RNF6: variants seen among roughly 807,000 people sequenced by gnomAD.
RNF6 encodes the protein ring finger protein 6.
Under a neutral mutation model 50.1 loss-of-function variants are expected in RNF6, and 21 were observed. That is an observed-to-expected ratio of 0.42 (90% CI 0.30 to 0.60). RNF6 has a LOEUF of 0.60. RNF6 is among the 20% of genes least tolerant of loss of function. RNF6 has a pLI of 0.20. For missense variants in RNF6, 698 were observed against 838.2 expected, an observed-to-expected ratio of 0.83 and a Z score of 2.07; for synonymous variants, 255 against 291.8, an observed-to-expected ratio of 0.87 and a Z score of 1.29.
At chr13:26,167,834 G>A (rs987839482) in intron 5 of RNF6, among the ~76,000 whole-genome samples, 4 of 152,266 alleles carry the variant, frequency 2.6e-5, no homozygotes, top group Non-Finnish European at 4.4e-5. Context: ...TAAAGAAAAT[G>A]TACATATACA....
intron 2 of RNF6, among the ~76,000 whole-genome samples, chr13:26,220,309 G>C (rs1049869332): frequency 6.6e-6 from 1 of 152,172 alleles, no homozygotes; most frequent in Non-Finnish European, 1.5e-5. Flanking sequence ...TTGTGAAAGT[G>C]CATCAGAGCA....
At chr13:26,160,412 T>C (rs1298032143) in intron 5 of RNF6, among the ~76,000 whole-genome samples, 2 of 152,136 alleles carry the variant, frequency 1.3e-5, no homozygotes, top group African/African-American at 2.4e-5. Flanking sequence ...ATTTAAGAGA[T>C]AGAGTCTCAC....
chr13:26,191,226 A>ATG (rs1566428012), intron 5 of RNF6, among the ~76,000 whole-genome samples: 6 of 151,352 alleles, frequency 4.0e-5, no homozygotes, highest in Non-Finnish European at 5.9e-5. Flanking sequence ...GCTAAGGGAC[A>ATG]TTCTTATCTC....
At chr13:26,192,627 T>A (rs1006102997) in intron 5 of RNF6, among the ~76,000 whole-genome samples, 1 of 152,330 alleles carries the variant, frequency 6.6e-6, no homozygotes, top group Middle Eastern at 3.4e-3. Flanking sequence ...TTAGTTTGCA[T>A]GCTTTGATGA....
intron 5 of RNF6, chr13:26,153,927 A>C (rs998435187): frequency 1.3e-5 from 2 of 152,294 alleles, no homozygotes; most frequent in African/African-American, 4.8e-5. Flanking sequence ...TAAATACTGT[A>C]AGAAAAGAAT....
chr13:26,204,964 T>C (rs538323342), intron 5 of RNF6, among the ~76,000 whole-genome samples: 1 of 152,240 alleles, frequency 6.6e-6, no homozygotes, highest in East Asian at 1.9e-4. Flanking sequence ...ACAGAGACCA[T>C]ACTCTGCAGA....
At chr13:26,166,316 G>T (rs1872449813) in intron 5 of RNF6, among the ~76,000 whole-genome samples, 1 of 152,126 alleles carries the variant, frequency 6.6e-6, no homozygotes, top group Non-Finnish European at 1.5e-5. Context: ...GTCTTTATCA[G>T]CAGTGTAAAA....
chr13:26,214,969 A>G lies in RNF6; in HGVS notation c.913T>C (p.Ser305Pro). Residue 305 changes from serine (S) to proline (P), a missense_variant, in exon 5 of 5, where the codon TCT (serine) becomes CCT (proline). Ser to Pro is a moderately conservative substitution (Grantham distance 74). Transcript: ENST00000381588. Reference protein sequence around the residue: ...NQRLEPIRLRSTSNSRSRSPI... With the variant: ...NQRLEPIRLRPTSNSRSRSPI... ...GAACGGCTTCGACTATTGGAAGTAG[A>G]TCGTAATCTTATTGGCTCTAATCTT... 1 of 1,614,168 alleles carries G rather than the reference A, an allele frequency of 6.2e-7. No individual in the cohort carries two copies. The highest frequency in any genetic ancestry group is 8.5e-7 in the Non-Finnish European group (1 of 1,180,028).
intron 5 of RNF6, among the ~76,000 whole-genome samples, chr13:26,188,623 C>CTGTTTTTTTTTT (rs1873665823): frequency 2.3e-5 from 1 of 43,258 alleles, no homozygotes; most frequent in African/African-American, 1.1e-4. Context: ...GTCAAAAGAG[C>CTGTTTTTTTTTT]TTTTTTTTTT....
chr13:26,191,674 C>T (rs541856899), intron 5 of RNF6, among the ~76,000 whole-genome samples: 2 of 152,312 alleles, frequency 1.3e-5, no homozygotes, highest in South Asian at 4.2e-4. Context: ...CACTTTCCAC[C>T]ATGACTGTGA....
chr13:26,173,534 A>T (rs1268534877), intron 5 of RNF6, among the ~76,000 whole-genome samples: 2 of 152,144 alleles, frequency 1.3e-5, no homozygotes, highest in Non-Finnish European at 2.9e-5. Context: ...TTGCTTATGG[A>T]TAGATAGATA....
intron 5 of RNF6, among the ~76,000 whole-genome samples, chr13:26,156,221 A>G (rs908964059): frequency 1.3e-5 from 2 of 152,192 alleles, no homozygotes; most frequent in African/African-American, 4.8e-5. Flanking sequence ...AGAGTTTTCA[A>G]TATTAACACT....
intron 5 of RNF6, among the ~76,000 whole-genome samples, chr13:26,192,169 T>C (rs892802843): frequency 1.3e-5 from 2 of 152,228 alleles, no homozygotes; most frequent in Admixed American, 6.5e-5. Context: ...TTGCATTATA[T>C]GATTTACATT....
chr13:26,145,051 A>G (rs1593145146), intron 5 of RNF6, among the ~76,000 whole-genome samples: 3 of 152,318 alleles, frequency 2.0e-5, no homozygotes, highest in East Asian at 1.9e-4. Context: ...CTCCTGAAGT[A>G]GAACAGTGAA....
chr13:26,219,148 ATATTT>A lies in RNF6; in HGVS notation c.193+304_193+308del, dbSNP rs543717268. ...ATGAGTTCAAATTGGGTTTTAAGTCATATTTTATTTGTATAAAAATTACAAATAGG... is the reference window on the plus strand; with the variant it reads ...ATGAGTTCAAATTGGGTTTTAAGTCATATTTGTATAAAAATTACAAATAGG... On this transcript the variant is annotated intron_variant, in intron 3 of 4. Coordinates refer to ENST00000381588, the MANE Select transcript of RNF6 (RefSeq NM_005977.4). 267 of 202,442 alleles carry A rather than the reference ATATTT, an allele frequency of 1.3e-3. 2 individuals are homozygous for A. Among genetic ancestry groups the A allele is most frequent in the Non-Finnish European group, 2.2e-3 (228 of 102,198 alleles). The allele number at this position is 202,442 out of a possible 1,614,324, so 12.5% of individuals were successfully genotyped here.
chr13:26,216,637 C>A (rs1362794652), intron 4 of RNF6, among the ~76,000 whole-genome samples: 2 of 152,138 alleles, frequency 1.3e-5, no homozygotes, highest in Non-Finnish European at 2.9e-5. Context: ...CAAACTTCAA[C>A]TTTAAAGTTT....
Position 26,215,356 on chromosome 13 carries a change from C to A in RNF6, c.526G>T (p.Asp176Tyr). 6.2e-7 allele frequency: 1 copy of A among 1,614,174 alleles called. No individual in the cohort carries two copies. Among genetic ancestry groups the A allele is most frequent in the Non-Finnish European group, 8.5e-7 (1 of 1,180,038 alleles). The change falls in exon 5 of 5, where the codon GAT becomes TAT. Residue 176 changes from aspartate to tyrosine, a missense_variant. Coordinates refer to ENST00000381588, the MANE Select transcript of RNF6 (RefSeq NM_005977.4). ...TTTGCAGTATGATCTCTGTTACTATCTGAAAGTGGAATGTCTGTATAATCT... is the reference window on the plus strand; with the variant it reads ...TTTGCAGTATGATCTCTGTTACTATATGAAAGTGGAATGTCTGTATAATCT... Reference protein sequence around the residue: ...GEDYTDIPLSDSNRDHTANRQ... With the variant: ...GEDYTDIPLSYSNRDHTANRQ...
intron 5 of RNF6, among the ~76,000 whole-genome samples, chr13:26,146,461 G>T (rs1204996838): frequency 6.6e-6 from 1 of 152,222 alleles, no homozygotes; most frequent in East Asian, 1.9e-4. Context: ...GGCCTACAGA[G>T]AAGAGTGATC....
chr13:26,150,894 T>A (rs1302365519), intron 5 of RNF6: 3 of 152,210 alleles, frequency 2.0e-5, no homozygotes, highest in African/African-American at 7.2e-5. Flanking sequence ...GTTGGGGACA[T>A]ACCTGGAATT....
Sources: allele counts gnomAD v4.1 joint callset (sites outside exome capture counted in the v4.1 genomes callset), GRCh38; gene constraint gnomAD v4.1.1; transcripts MANE v1.5; gene names NCBI Gene and HGNC (gene_info 2026-07-23, HGNC 2026-07-21).